PSD3: variants seen among roughly 807,000 people sequenced by gnomAD.
The protein encoded by PSD3 is pleckstrin and Sec7 domain containing 3.
PSD3 carries 49 observed loss-of-function variants against 105.5 expected under a neutral mutation model. The observed-to-expected ratio is 0.46, with a 90% CI of 0.37 to 0.59. The LOEUF (loss-of-function observed/expected upper bound fraction) is 0.59, where lower values mean the gene tolerates loss of function less well. Among genes scored for constraint, PSD3 ranks in the 20% least tolerant of loss-of-function variants. The pLI, the probability that PSD3 is intolerant of heterozygous loss-of-function variation, is 0.00. For missense variants in PSD3, 1,561 were observed against 1,263.8 expected (o/e 1.24, Z -3.57); for synonymous variants, 557 against 457.8 (o/e 1.22, Z -2.77).
Position 18,530,785 on chromosome 8 carries a change from T to G in PSD3, c.*4958A>C, listed in dbSNP as rs558152820. ...CACTGCAAAAGATTCACAAGGTTAG[T>G]TGAAAGTCATTTTTGCCCTGGTGAT... On this transcript the variant is annotated 3_prime_UTR_variant, in exon 16 of 16. Coordinates refer to ENST00000327040, the MANE Select transcript of PSD3 (RefSeq NM_015310.4). 1 of 152,212 alleles carries G rather than the reference T, an allele frequency of 6.6e-6. No individual in the cohort carries two copies. The highest frequency in any genetic ancestry group is 2.1e-4 in the South Asian group (1 of 4,814). The allele number at this position is 152,212 out of a possible 1,614,324, so 9.4% of individuals were successfully genotyped here.
chr8:19,061,500 G>A (rs930885412), intron 1 of PSD3, among the ~76,000 whole-genome samples: 1 of 151,838 alleles, frequency 6.6e-6, no homozygotes, highest in African/African-American at 2.4e-5. Flanking sequence ...GTTAAATCAT[G>A]CATTTAAAAA....
chr8:19,008,878 C>T (rs1188090383), intron 1 of PSD3, among the ~76,000 whole-genome samples: 2 of 152,186 alleles, frequency 1.3e-5, no homozygotes, highest in Non-Finnish European at 2.9e-5. Flanking sequence ...AGCTCCTTTT[C>T]TTAACAATCT....
At chr8:18,854,718 CT>C (rs1815864907) in intron 4 of PSD3, among the ~76,000 whole-genome samples, 1 of 152,200 alleles carries the variant, frequency 6.6e-6, no homozygotes, top group South Asian at 2.1e-4. Flanking sequence ...CAATTTAGCT[CT>C]GTTAAATTCA....
chr8:18,969,103 A>C (rs1163221691), intron 1 of PSD3, among the ~76,000 whole-genome samples: 1 of 152,178 alleles, frequency 6.6e-6, no homozygotes, highest in South Asian at 2.1e-4. Context: ...AAATTACAAC[A>C]TAAAACATAT....
chr8:18,647,661 T>C (rs1309923797), intron 10 of PSD3, among the ~76,000 whole-genome samples: 1 of 151,972 alleles, frequency 6.6e-6, no homozygotes, highest in Non-Finnish European at 1.5e-5. Context: ...TGATTTTTTT[T>C]TTTTTTTAAA....
intron 12 of PSD3, among the ~76,000 whole-genome samples, chr8:18,592,585 A>C (rs945872438): frequency 6.6e-6 from 1 of 152,200 alleles, no homozygotes; most frequent in Non-Finnish European, 1.5e-5. Flanking sequence ...AGAAAAACAG[A>C]GGACTTTGAA....
rs774188397 is a variant in PSD3, at chr8:18,556,160, A to G, written c.2928+49T>C. On this transcript the variant is annotated intron_variant, in intron 15 of 15. Transcript: ENST00000327040. ...AAAGATACCGCCTCATGGACAGATCATAAGAAAACTCAGAAATCAGCATTT... is the reference window on the plus strand; with the variant it reads ...AAAGATACCGCCTCATGGACAGATCGTAAGAAAACTCAGAAATCAGCATTT... 4 of 1,600,938 alleles carry G rather than the reference A, an allele frequency of 2.5e-6. No individual in the cohort carries two copies. The African/African-American group carries it at 4.0e-5, about 16-fold the overall frequency.
chr8:18,625,229 TA>T (rs1203357874), intron 11 of PSD3, among the ~76,000 whole-genome samples: 1 of 149,874 alleles, frequency 6.7e-6, no homozygotes, highest in African/African-American at 2.5e-5. Flanking sequence ...CTTCTCAACA[TA>T]AATTACGGAA....
chr8:19,045,714 C>T (rs1250321522), intron 1 of PSD3, among the ~76,000 whole-genome samples: 1 of 152,172 alleles, frequency 6.6e-6, no homozygotes, highest in Non-Finnish European at 1.5e-5. Flanking sequence ...GGAAAAGAAT[C>T]CAGCCATCTG....
chr8:18,928,125 C>A (rs1023742866), intron 2 of PSD3, among the ~76,000 whole-genome samples: 1 of 152,200 alleles, frequency 6.6e-6, no homozygotes, highest in Non-Finnish European at 1.5e-5. Context: ...TGTCTCCACC[C>A]AAATCTCACC....
chr8:18,676,636 G>A (rs1294201983), intron 9 of PSD3, among the ~76,000 whole-genome samples: 4 of 152,186 alleles, frequency 2.6e-5, no homozygotes, highest in South Asian at 4.1e-4. Flanking sequence ...CCAGACCAGC[G>A]AGGAGCCCAT....
chr8:18,995,423 A>T (rs1032598807), intron 1 of PSD3, among the ~76,000 whole-genome samples: 3 of 152,088 alleles, frequency 2.0e-5, no homozygotes, highest in African/African-American at 4.8e-5. Context: ...ATGCTACAAC[A>T]ATATATTGTT....
chr8:18,582,026 A>G (rs1049073106), intron 12 of PSD3, among the ~76,000 whole-genome samples: 7 of 152,216 alleles, frequency 4.6e-5, no homozygotes. Context: ...AAAGGAACAA[A>G]GATAAGGACT....
intron 4 of PSD3, among the ~76,000 whole-genome samples, chr8:18,842,015 G>C (rs980298917): frequency 6.6e-6 from 1 of 152,304 alleles, no homozygotes; most frequent in African/African-American, 2.4e-5. Context: ...GGCAGTGGAT[G>C]GCTCTCCTCT....
intron 11 of PSD3, among the ~76,000 whole-genome samples, chr8:18,616,628 C>CTTTTTTTTTTTTTTTTTTTTT (rs71217391): frequency 7.9e-6 from 1 of 126,776 alleles, no homozygotes; most frequent in Non-Finnish European, 1.6e-5. Context: ...CTTTTCTTTT[C>CTTTTTTTTTTTTTTTTTTTTT]TTTTTTTTTT....
At chr8:18,934,941 T>C (rs1205673131) in intron 2 of PSD3, among the ~76,000 whole-genome samples, 1 of 152,182 alleles carries the variant, frequency 6.6e-6, no homozygotes, top group Non-Finnish European at 1.5e-5. Flanking sequence ...TCTAGGAAAA[T>C]GCCTTCAAAA....
chr8:18,889,623 C>A (rs1411491138), intron 2 of PSD3, among the ~76,000 whole-genome samples: 1 of 152,176 alleles, frequency 6.6e-6, no homozygotes, highest in African/African-American at 2.4e-5. Flanking sequence ...CTGGGCCATG[C>A]TCCCCCATCT....
intron 4 of PSD3, among the ~76,000 whole-genome samples, chr8:18,844,294 T>A (rs569162367): frequency 2.6e-5 from 4 of 152,306 alleles, no homozygotes; most frequent in Admixed American, 1.3e-4. Context: ...CTAAAGATGG[T>A]GAAATTTTTT....
intron 2 of PSD3, among the ~76,000 whole-genome samples, chr8:18,898,811 AGAG>A (rs1819315805): frequency 6.6e-6 from 1 of 152,202 alleles, no homozygotes; most frequent in East Asian, 1.9e-4. Flanking sequence ...AATAAGCTGA[AGAG>A]GAGGAGAAAG....
Sources: allele counts gnomAD v4.1 joint callset (sites outside exome capture counted in the v4.1 genomes callset), GRCh38; gene constraint gnomAD v4.1.1; transcripts MANE v1.5; gene names NCBI Gene and HGNC (gene_info 2026-07-23, HGNC 2026-07-21).